The following HK1 variants were observed in gnomAD, a reference collection of about 807,000 sequenced individuals.
HK1 encodes hexokinase 1, also known as hexokinase-1.
HK1 carries 28 observed loss-of-function variants against 91.6 expected under a neutral mutation model. The ratio of observed to expected loss-of-function variants is 0.31; its 90% CI spans 0.23 to 0.42. The LOEUF (loss-of-function observed/expected upper bound fraction) is 0.42. Among genes scored for constraint, HK1 ranks in the 10% least tolerant of loss-of-function variants. HK1 has a pLI of 1.00. For synonymous variants in HK1, 430 were observed against 468.1 expected (o/e 0.92, Z 1.05); for missense variants, 770 against 1,219.8 (o/e 0.63, Z 5.49).
chr10:69,337,888 C>T (rs1848068714), intron 1 of HK1: 1 of 152,894 alleles, frequency 6.5e-6, no homozygotes, highest in Non-Finnish European at 1.5e-5. Flanking sequence ...CTGGTGCCTC[C>T]TGCTGCGACC....
At chr10:69,276,118 A>AAAAAAAAAAAAAAAAT in intron 1 of HK1, among the ~76,000 whole-genome samples, 1 of 38,262 alleles carries the variant, frequency 2.6e-5, no homozygotes, top group Non-Finnish European at 5.1e-5. Flanking sequence ...AAAAAAAAAA[A>AAAAAAAAAAAAAAAAT]ATACATATAT....
At chr10:69,326,184 C>T (rs988490497) in intron 1 of HK1, among the ~76,000 whole-genome samples, 1 of 150,866 alleles carries the variant, frequency 6.6e-6, no homozygotes, top group East Asian at 2.0e-4. Context: ...TGGAACACTT[C>T]GTGAGTGTCA....
intron 1 of HK1, among the ~76,000 whole-genome samples, chr10:69,324,563 A>G (rs1388570060): frequency 1.3e-5 from 2 of 152,200 alleles, no homozygotes; most frequent in Admixed American, 1.3e-4. Context: ...TGGGTGACAG[A>G]ACGAGACTCC....
chr10:69,321,164 G>C (rs1322571724), intron 1 of HK1, among the ~76,000 whole-genome samples: 1 of 152,198 alleles, frequency 6.6e-6, no homozygotes, highest in Non-Finnish European at 1.5e-5. Flanking sequence ...ATTCCTGCCA[G>C]GGGGTCCACT....
In HK1 at chr10:69,305,429, C is replaced by T. The variant is rs1479104986; in HGVS notation, c.27+4568C>T. Among the ~76,000 whole-genome samples the T allele has an allele frequency of 5.3e-5, 8 of 152,264 alleles. No homozygotes were observed. In the East Asian group the frequency reaches 5.8e-4, roughly 11 times the overall value. On this transcript the variant is annotated intron_variant, in intron 5 of 21. Transcript: ENST00000360289. ...TTGTGGGATACAGCTGTGTCAGCTG[C>T]GCCTGCCTTTTCTCCTAGTGCCTGG...
intron 11 of HK1, 46 bp from the exon 12 acceptor site, chr10:69,384,750 A>G (rs374269700): frequency 4.3e-6 from 7 of 1,613,876 alleles, no homozygotes; most frequent in Non-Finnish European, 5.9e-6. Flanking sequence ...CACTGATAAA[A>G]TTAAAACCAC....
intron 2 of HK1, among the ~76,000 whole-genome samples, chr10:69,283,820 A>G (rs1470078900): frequency 6.7e-6 from 1 of 149,248 alleles, no homozygotes; most frequent in Non-Finnish European, 1.5e-5. Context: ...AAAAAAAAGA[A>G]AAGAAAAAAA....
upstream of HK1, among the ~76,000 whole-genome samples, chr10:69,314,823 A>G (rs964011877): frequency 1.3e-5 from 2 of 152,088 alleles, no homozygotes. Context: ...TCTTGCCACT[A>G]TGCCCAGCTA....
At chr10:69,385,279 T>C (rs1839579481) in intron 12 of HK1, among the ~76,000 whole-genome samples, 1 of 152,242 alleles carries the variant, frequency 6.6e-6, no homozygotes, top group Non-Finnish European at 1.5e-5. Context: ...AGCAAGGACC[T>C]GTATCCCTGC....
chr10:69,334,879 G>A (rs1237606759), intron 1 of HK1, among the ~76,000 whole-genome samples: 2 of 152,216 alleles, frequency 1.3e-5, no homozygotes, highest in Non-Finnish European at 2.9e-5. Flanking sequence ...GGAGAGGAGT[G>A]GACGGTGTGG....
In HK1 at chr10:69,369,834, G is replaced by A. The variant is rs1198776147; in HGVS notation, c.875+210G>A. ...GCTCATTGCAACCTCCACCTCCTGG[G>A]TTCAAGCGATTCTCCTGCCTTAGCC... On this transcript the variant is annotated intron_variant, in intron 7 of 17. Coordinates refer to ENST00000359426, the MANE Select transcript of HK1 (RefSeq NM_000188.3). The surrounding 1 kb of genome is among the most constrained non-coding windows in gnomAD (Gnocchi z 4.4). Among the ~76,000 whole-genome samples, 4 of 152,178 alleles carry A rather than the reference G, an allele frequency of 2.6e-5. No individual in the cohort carries two copies. Among genetic ancestry groups the A allele is most frequent in the African/African-American group, 9.7e-5 (4 of 41,428 alleles).
At position 69,372,072 on chromosome 10, in the gene HK1, C is replaced by T. The variant is rs542895601; in HGVS notation, c.875+2448C>T. On this transcript the variant is annotated intron_variant, in intron 7 of 17. Transcript: ENST00000359426. ...TAATCATGGCACAAGTCATGTCTTA[C>T]ATGGATGGCAGCAGGCAAAGAGAAA... is the stretch of plus-strand genomic sequence containing the variant. Among the ~76,000 whole-genome samples, 7 of 152,306 alleles carry T rather than the reference C, an allele frequency of 4.6e-5. No individual in the cohort carries two copies. In the South Asian group the frequency reaches 1.5e-3, roughly 32 times the overall value.
intron 2 of HK1, among the ~76,000 whole-genome samples, chr10:69,349,599 A>AG (rs1400931981): frequency 6.6e-6 from 1 of 152,158 alleles, no homozygotes; most frequent in Non-Finnish European, 1.5e-5. Flanking sequence ...GGCAGAGAAA[A>AG]GGGGCAAGCC....
chr10:69,345,695 T>A (rs1848513689), intron 2 of HK1, among the ~76,000 whole-genome samples: 1 of 152,056 alleles, frequency 6.6e-6, no homozygotes, highest in Non-Finnish European at 1.5e-5. Flanking sequence ...ACACTTTGCC[T>A]CCTACCCACT....
At chr10:69,281,003 T>C (rs1844717961) in intron 1 of HK1, among the ~76,000 whole-genome samples, 1 of 152,252 alleles carries the variant, frequency 6.6e-6, no homozygotes, top group Admixed American at 6.5e-5. Context: ...TGTCTCTGTA[T>C]AGCTGCAGAC....
chr10:69,378,976 A>ACC (rs1256926716), intron 8 of HK1, among the ~76,000 whole-genome samples: 17 of 151,796 alleles, frequency 1.1e-4, no homozygotes, highest in Middle Eastern at 3.4e-3. Flanking sequence ...AAAACTTGGG[A>ACC]CTCCCCCGAC....
chr10:69,371,213 C>T (rs1386394044), intron 7 of HK1, among the ~76,000 whole-genome samples: 1 of 152,176 alleles, frequency 6.6e-6, no homozygotes, highest in East Asian at 1.9e-4. Flanking sequence ...CAAGTTCTTA[C>T]ACCCAGAGTT....
chr10:69,346,786 A>G (rs983943973), intron 2 of HK1, among the ~76,000 whole-genome samples: 38 of 152,142 alleles, frequency 2.5e-4, no homozygotes, highest in African/African-American at 8.7e-4. Flanking sequence ...ATGAATGAAT[A>G]ATAAAGAAGG....
intron 1 of HK1, among the ~76,000 whole-genome samples, chr10:69,275,159 A>G (rs1188421772): frequency 6.6e-6 from 1 of 151,600 alleles, no homozygotes; most frequent in Non-Finnish European, 1.5e-5. Flanking sequence ...AATTCTAAAT[A>G]TTTTAAATTC....
Sources: gnomAD v4.1 joint callset for allele counts (sites outside exome capture counted in the v4.1 genomes callset) on GRCh38, gnomAD v4.1.1 for gene constraint, Gnocchi (gnomAD v3.1) non-coding constraint, MANE v1.5 for transcripts, NCBI Gene and HGNC (gene_info 2026-07-23, HGNC 2026-07-21) for gene names.